The following WWOX variants were observed in gnomAD, a reference collection of about 807,000 sequenced individuals.
WWOX encodes the protein WW domain containing oxidoreductase.
Under a neutral mutation model 46.2 loss-of-function variants are expected in WWOX, and 69 were observed. The observed-to-expected ratio is 1.49, with a 90% confidence interval of 1.23 to 1.82. The LOEUF (loss-of-function observed/expected upper bound fraction) is 1.82, where lower values mean the gene tolerates loss of function less well. Among genes scored for constraint, WWOX ranks in the 40% most tolerant of loss-of-function variants. The pLI is 0.00. For synonymous variants in WWOX, 359 were observed against 202.6 expected, an observed-to-expected ratio of 1.77 and a Z score of -6.56; for missense variants, 919 against 542.6, an observed-to-expected ratio of 1.69 and a Z score of -6.89.
chr16:78,245,146 T>C (rs1379666514), intron 5 of WWOX, among the ~76,000 whole-genome samples: 1 of 152,258 alleles, frequency 6.6e-6, no homozygotes, highest in Non-Finnish European at 1.5e-5. Context: ...TTATCCCATA[T>C]GGATAATAGT....
chr16:79,145,500 C>G lies in WWOX; in HGVS notation c.1057-66108C>G, dbSNP rs547638785. On this transcript the variant is annotated intron_variant, in intron 8 of 8. Transcript: ENST00000566780. ...TACAGTTATGAGCCACCGCATCCAG[C>G]CCACAAATATTATTCCAAACTGTAA... 2.0e-5 allele frequency among the ~76,000 whole-genome samples: 3 copies of G among 152,208 alleles called. No individual in the cohort carries two copies. The South Asian group carries it at 6.2e-4, about 32-fold the overall frequency.
intron 8 of WWOX, among the ~76,000 whole-genome samples, chr16:78,849,774 A>T (rs2052395502): frequency 6.6e-6 from 1 of 151,052 alleles, no homozygotes; most frequent in African/African-American, 2.4e-5. Flanking sequence ...ACCCATAAAA[A>T]ATAGAGTGAT....
At chr16:78,598,535 G>A (rs1235217965) in intron 8 of WWOX, among the ~76,000 whole-genome samples, 1 of 152,154 alleles carries the variant, frequency 6.6e-6, no homozygotes, top group Non-Finnish European at 1.5e-5. Flanking sequence ...AGCTTAGTTG[G>A]GGGAGAGATT....
rs1429177249 is a variant in WWOX, at chr16:78,591,939, A to T, written c.1056+159187A>T. ...CTCTCTGTACAGATGCGCTCAAGCGACCATAACCACCAGTGTTCCTAACAA... is the reference window on the plus strand; with the variant it reads ...CTCTCTGTACAGATGCGCTCAAGCGTCCATAACCACCAGTGTTCCTAACAA... On this transcript the variant is annotated intron_variant, in intron 8 of 8. Transcript: ENST00000566780. Among the ~76,000 whole-genome samples, 4 of 152,206 alleles carry T rather than the reference A, an allele frequency of 2.6e-5. No individual in the cohort carries two copies. The East Asian group carries it at 7.7e-4, about 29-fold the overall frequency.
At chr16:78,516,574 C>G (rs917211795) in intron 8 of WWOX, among the ~76,000 whole-genome samples, 2 of 152,160 alleles carry the variant, frequency 1.3e-5, no homozygotes, top group African/African-American at 4.8e-5. Context: ...ATCATGCATA[C>G]TTGGCCTGTT....
At chr16:78,704,794 A>T (rs563970906) in intron 8 of WWOX, among the ~76,000 whole-genome samples, 2 of 152,196 alleles carry the variant, frequency 1.3e-5, no homozygotes, top group Admixed American at 1.3e-4. Context: ...GACAGCCAGC[A>T]TGTTGACTTG....
intron 8 of WWOX, among the ~76,000 whole-genome samples, chr16:79,042,234 C>G (rs2047985339): frequency 6.6e-6 from 1 of 152,210 alleles, no homozygotes; most frequent in Non-Finnish European, 1.5e-5. Flanking sequence ...AAAGCCCACG[C>G]TCTCTTACAC....
At position 78,452,376 on chromosome 16, in the gene WWOX, C is replaced by T; in HGVS notation, c.1056+19624C>T. Among the ~76,000 whole-genome samples the T allele has an allele frequency of 1.3e-5, 2 of 151,764 alleles. 1 individual carries two copies. Among genetic ancestry groups the T allele is most frequent in the East Asian group, 3.9e-4 (2 of 5,176 alleles). ...TGCAGTCTGCCAGCAGACCAGATGG[C>T]AGATCTTTTAATTAGATATGTTTGT... On this transcript the variant is annotated intron_variant, in intron 8 of 8. Coordinates refer to ENST00000566780, the MANE Select transcript of WWOX (RefSeq NM_016373.4).
intron 8 of WWOX, among the ~76,000 whole-genome samples, chr16:78,878,372 A>G (rs763608798): frequency 1.3e-5 from 2 of 152,186 alleles, no homozygotes; most frequent in Non-Finnish European, 2.9e-5. Context: ...GTCATTGAGT[A>G]AAGTAATTAT....
chr16:78,619,568 T>G (rs1002012619), intron 8 of WWOX, among the ~76,000 whole-genome samples: 3 of 151,754 alleles, frequency 2.0e-5, no homozygotes, highest in Non-Finnish European at 4.4e-5. Context: ...TATTATACAA[T>G]TTGTTAAATA....
chr16:78,968,073 T>C (rs569363930), intron 8 of WWOX, among the ~76,000 whole-genome samples: 32 of 149,798 alleles, frequency 2.1e-4, no homozygotes, highest in Middle Eastern at 3.5e-3. Flanking sequence ...GTGTGGTCTG[T>C]ATGGCACAGT....
chr16:78,449,756 G>A (rs1405581739), intron 8 of WWOX, among the ~76,000 whole-genome samples: 3 of 152,184 alleles, frequency 2.0e-5, no homozygotes, highest in South Asian at 2.1e-4. Context: ...GGTAGATAAT[G>A]TATCCTAAAG....
intron 6 of WWOX, among the ~76,000 whole-genome samples, chr16:78,410,418 C>G (rs1047562024): frequency 5.3e-5 from 8 of 151,998 alleles, no homozygotes; most frequent in African/African-American, 1.9e-4. Flanking sequence ...CTTTGGGGGA[C>G]TTTTATTTTT....
chr16:78,120,621 A>G (rs1236755794), intron 4 of WWOX, among the ~76,000 whole-genome samples: 1 of 152,164 alleles, frequency 6.6e-6, no homozygotes, highest in African/African-American at 2.4e-5. Flanking sequence ...CCAAAATGTA[A>G]TTATAGTGTG....
intron 5 of WWOX, among the ~76,000 whole-genome samples, chr16:78,334,276 C>G (rs891007277): frequency 2.6e-5 from 4 of 152,160 alleles, no homozygotes; most frequent in Non-Finnish European, 5.9e-5. Context: ...AATACGGGCT[C>G]TCACCCTCCT....
chr16:78,407,928 G>C (rs374221830), intron 6 of WWOX, among the ~76,000 whole-genome samples: 1 of 152,208 alleles, frequency 6.6e-6, no homozygotes, highest in African/African-American at 2.4e-5. Context: ...ATGGTAGAAA[G>C]TGTTAAGTAA....
intron 8 of WWOX, among the ~76,000 whole-genome samples, chr16:78,730,414 C>T (rs1456734995): frequency 6.6e-6 from 1 of 151,990 alleles, no homozygotes; most frequent in Non-Finnish European, 1.5e-5. Context: ...TAAGATATTT[C>T]CTAGGACTCA....
intron 8 of WWOX, among the ~76,000 whole-genome samples, chr16:78,932,323 C>T (rs34416902): frequency 0.14 from 21,404 of 152,196 alleles, 1,897 homozygotes; most frequent in South Asian, 0.26. Flanking sequence ...AGTGACCTAA[C>T]GCAGTCCTTG....
At chr16:79,080,744 A>T (rs1212447306) in intron 8 of WWOX, among the ~76,000 whole-genome samples, 1 of 152,182 alleles carries the variant, frequency 6.6e-6, no homozygotes, top group Admixed American at 6.5e-5. Flanking sequence ...AAGTGGGAGG[A>T]TCGCTTGAAG....
Sources: gnomAD v4.1 joint callset for allele counts (sites outside exome capture counted in the v4.1 genomes callset) on GRCh38, gnomAD v4.1.1 for gene constraint, MANE v1.5 for transcripts, NCBI Gene and HGNC (gene_info 2026-07-23, HGNC 2026-07-21) for gene names.